VGLL4: variants seen among roughly 807,000 people sequenced by gnomAD.
VGLL4 encodes transcription cofactor vestigial-like protein 4.
VGLL4 carries 7 observed loss-of-function variants against 21.0 expected under a neutral mutation model. That is an observed-to-expected ratio of 0.33 (90% CI 0.19 to 0.63). The LOEUF (loss-of-function observed/expected upper bound fraction) is 0.63. VGLL4 is among the 20% of genes least tolerant of loss of function. VGLL4 has a pLI of 0.78. For synonymous variants in VGLL4, 222 were observed against 173.2 expected, an observed-to-expected ratio of 1.28 and a Z score of -2.21; for missense variants, 394 against 425.7, an observed-to-expected ratio of 0.93 and a Z score of 0.66.
At chr3:11,598,988 A>G (rs990453284) in intron 2 of VGLL4, among the ~76,000 whole-genome samples, 2 of 152,348 alleles carry the variant, frequency 1.3e-5, no homozygotes, top group South Asian at 4.1e-4. Flanking sequence ...TATTGCAGAT[A>G]ACTTCTTAGG....
At position 11,670,409 on chromosome 3, in the gene VGLL4, C is replaced by T. The variant is rs995072214; in HGVS notation, c.64+32562G>A. On this transcript the variant is annotated intron_variant, in intron 2 of 5. Coordinates refer to the VGLL4 transcript ENST00000273038. ...TTCCAGTTTAAAATGCTAGCACTTT[C>T]GAATGTTTTCGTCTCTAGAGATGAG... 1.2e-4 allele frequency among the ~76,000 whole-genome samples: 18 copies of T among 152,252 alleles called. No individual in the cohort carries two copies. In the South Asian group the frequency reaches 1.2e-3, roughly 11 times the overall value.
intron 1 of VGLL4, among the ~76,000 whole-genome samples, chr3:11,605,127 TCC>T (rs1343038516): frequency 0.019 from 124 of 6,556 alleles, 54 homozygotes; most frequent in African/African-American, 0.042. Flanking sequence ...CCCCCAATCC[TCC>T]ACAGCTCTGT....
At chr3:11,619,268 A>G (rs1289410528) in intron 1 of VGLL4, among the ~76,000 whole-genome samples, 1 of 152,242 alleles carries the variant, frequency 6.6e-6, no homozygotes, top group Non-Finnish European at 1.5e-5. Context: ...ACATTCCTAG[A>G]GCCATTCATC....
chr3:11,607,996 C>A (rs910782416), intron 1 of VGLL4, among the ~76,000 whole-genome samples: 7 of 152,036 alleles, frequency 4.6e-5, no homozygotes, highest in Non-Finnish European at 1.0e-4. Flanking sequence ...GTATACAGAC[C>A]CTGACCACAA....
chr3:11,714,324 C>T (rs2076889986), intron 1 of VGLL4, among the ~76,000 whole-genome samples: 1 of 152,068 alleles, frequency 6.6e-6, no homozygotes, highest in Non-Finnish European at 1.5e-5. Context: ...CTAAGGGGGA[C>T]AAATAAAAAT....
At position 11,628,828 on chromosome 3, in the gene VGLL4, A is replaced by C. The variant is rs190736709; in HGVS notation, c.82+14609T>G. ...GAGCGAGACTCTGTCTCAAACAAAA[A>C]CAAAAACAAAAAAATCAATCTCACT... On this transcript the variant is annotated intron_variant, in intron 1 of 4. Transcript: ENST00000430365. Among the ~76,000 whole-genome samples the C allele has an allele frequency of 4.0e-3, 607 of 152,328 alleles. 9 individuals carry two copies. The highest frequency in any genetic ancestry group is 0.014 in the African/African-American group (576 of 41,574).
chr3:11,664,216 C>A (rs920853968), intron 2 of VGLL4, among the ~76,000 whole-genome samples: 1 of 152,002 alleles, frequency 6.6e-6, no homozygotes, highest in Non-Finnish European at 1.5e-5. Flanking sequence ...CCAGCCTGGG[C>A]GACAGATCAA....
At chr3:11,602,101 GCCAGCCCCTTACAA>G in intron 1 of VGLL4, 79 bp from the exon 2 acceptor site, 1 of 1,347,848 alleles carries the variant, frequency 7.4e-7, no homozygotes, top group Non-Finnish European at 9.7e-7. Context: ...CGCCCGCCCA[GCCAGCCCCTTACAA>G]AACTACTCCC....
chr3:11,691,520 G>C (rs1285943561), intron 2 of VGLL4, among the ~76,000 whole-genome samples: 1 of 152,164 alleles, frequency 6.6e-6, no homozygotes, highest in Non-Finnish European at 1.5e-5. Context: ...CTGATTTCAA[G>C]CTCCCAACGT....
chr3:11,566,832 G>A (rs997475598), intron 2 of VGLL4, among the ~76,000 whole-genome samples: 7 of 152,148 alleles, frequency 4.6e-5, no homozygotes, highest in Admixed American at 2.6e-4. Flanking sequence ...CTCTGAGGGC[G>A]TCGAGTCCCT....
At chr3:11,595,112 G>C (rs953318995) in intron 2 of VGLL4, among the ~76,000 whole-genome samples, 1 of 152,174 alleles carries the variant, frequency 6.6e-6, no homozygotes, top group Non-Finnish European at 1.5e-5. Flanking sequence ...GGTGAGCCGA[G>C]ATTGCCTCAT....
chr3:11,644,853 A>G (rs2075763507), upstream of VGLL4, among the ~76,000 whole-genome samples: 1 of 150,270 alleles, frequency 6.7e-6, no homozygotes, highest in East Asian at 1.9e-4. Context: ...CTCAAAAAAA[A>G]AAAAAAAAAA....
intron 1 of VGLL4, among the ~76,000 whole-genome samples, chr3:11,605,676 CTACTT>C (rs1252585874): frequency 6.6e-5 from 10 of 152,162 alleles, no homozygotes; most frequent in Non-Finnish European, 1.5e-4. Context: ...GCTTCCCTCC[CTACTT>C]TATTTTGTGC....
At chr3:11,607,108 A>G (rs1192113352) in intron 1 of VGLL4, 2 of 18,252 alleles carry the variant, frequency 1.1e-4, no homozygotes, top group Non-Finnish European at 2.9e-4. Flanking sequence ...AAGAGAAATG[A>G]AAACAATGTC....
At chr3:11,714,930 T>C (rs2076898299) in intron 1 of VGLL4, among the ~76,000 whole-genome samples, 1 of 151,804 alleles carries the variant, frequency 6.6e-6, no homozygotes, top group South Asian at 2.1e-4. Flanking sequence ...GGTCAGGAGA[T>C]CGAGACCATC....
chr3:11,648,791 C>G (rs557967094), upstream of VGLL4, among the ~76,000 whole-genome samples: 23 of 152,162 alleles, frequency 1.5e-4, no homozygotes, highest in South Asian at 4.6e-3. Context: ...ACTATTCAAC[C>G]TTACTAATAA....
chr3:11,670,404 A>C (rs1243211287), intron 2 of VGLL4, among the ~76,000 whole-genome samples: 1 of 152,174 alleles, frequency 6.6e-6, no homozygotes, highest in East Asian at 1.9e-4. Context: ...AAATGCTAGC[A>C]CTTTCGAATG....
At position 11,568,500 on chromosome 3, in the gene VGLL4, A is replaced by G. The variant is rs911740635; in HGVS notation, c.273-3481T>C. ...CACTAACTGGAAAGACAGTCCGTGG[A>G]ACACAGCACAGTGGGCACTATGGGT... On this transcript the variant is annotated intron_variant, in intron 2 of 4. Coordinates refer to ENST00000430365, the MANE Select transcript of VGLL4 (RefSeq NM_001128219.3). The surrounding 1 kb of genome is among the most constrained non-coding windows in gnomAD (Gnocchi z 5.9). 6.2e-5 allele frequency: 90 copies of G among 1,463,014 alleles called. No individual in the cohort carries two copies. Among genetic ancestry groups the G allele is most frequent in the Non-Finnish European group, 8.0e-5 (86 of 1,069,084 alleles). 90.6% of individuals were successfully genotyped at this position (1,463,014 alleles called of 1,614,324 possible). A position where few individuals can be genotyped will look rare whatever the true frequency, so the allele number is the denominator to read the frequency against.
chr3:11,561,221 C>T (rs2072967068), intron 3 of VGLL4, among the ~76,000 whole-genome samples: 1 of 152,146 alleles, frequency 6.6e-6, no homozygotes, highest in Non-Finnish European at 1.5e-5. Flanking sequence ...ATGTGGGGAA[C>T]TGGGGAGACA....
Sources: allele counts gnomAD v4.1 joint callset (sites outside exome capture counted in the v4.1 genomes callset), GRCh38; gene constraint gnomAD v4.1.1; non-coding constraint Gnocchi (gnomAD v3.1); transcripts MANE v1.5; gene names NCBI Gene and HGNC (gene_info 2026-07-23, HGNC 2026-07-21).